Variants in TRAPPC9 observed in about 807,000 individuals in gnomAD.
The protein encoded by TRAPPC9 is trafficking protein particle complex subunit 9, also known as IKK2 binding protein.
Under a neutral mutation model 124.0 loss-of-function variants are expected in TRAPPC9, and 83 were observed. The observed-to-expected ratio is 0.67, with a 90% CI of 0.56 to 0.80. TRAPPC9 has a LOEUF of 0.80. Among genes scored for constraint, TRAPPC9 ranks in the 30% least tolerant of loss-of-function variants. The pLI is 0.00. For missense variants in TRAPPC9, 1,302 were observed against 1,508.3 expected (o/e 0.86, Z 2.27); for synonymous variants, 638 against 617.5 (o/e 1.03, Z -0.49).
chr8:140,253,530 T>G (rs1292846751), intron 15 of TRAPPC9, among the ~76,000 whole-genome samples: 1 of 151,922 alleles, frequency 6.6e-6, no homozygotes, highest in African/African-American at 2.4e-5. Flanking sequence ...AATACAAAAT[T>G]TAGCCAGTGT....
At chr8:140,199,960 T>A (rs2062751226) in intron 17 of TRAPPC9, among the ~76,000 whole-genome samples, 1 of 152,124 alleles carries the variant, frequency 6.6e-6, no homozygotes, top group South Asian at 2.1e-4. Flanking sequence ...AATAAAAATT[T>A]TTTTAAAAAA....
chr8:139,745,213 G>C (rs1216916945), intron 21 of TRAPPC9, among the ~76,000 whole-genome samples: 7 of 152,250 alleles, frequency 4.6e-5, no homozygotes, highest in Admixed American at 4.6e-4. Flanking sequence ...GGATCCTCGG[G>C]TCGAAGGCTT....
At chr8:140,344,551 C>T (rs1287984757) in intron 9 of TRAPPC9, among the ~76,000 whole-genome samples, 1 of 152,138 alleles carries the variant, frequency 6.6e-6, no homozygotes, top group East Asian at 1.9e-4. Flanking sequence ...ATGGTAGCGC[C>T]AGGCAGAGAA....
At chr8:139,813,260 T>C (rs1824568526) in intron 21 of TRAPPC9, among the ~76,000 whole-genome samples, 1 of 152,190 alleles carries the variant, frequency 6.6e-6, no homozygotes, top group Non-Finnish European at 1.5e-5. Flanking sequence ...CACCTCAGTT[T>C]CCTCCTCTTA....
intron 9 of TRAPPC9, among the ~76,000 whole-genome samples, chr8:140,333,124 T>TG (rs2066938200): frequency 1.4e-5 from 1 of 71,822 alleles, no homozygotes; most frequent in African/African-American, 6.9e-5. Context: ...AGACTTTGTC[T>TG]CAAAAAAAAA....
intron 17 of TRAPPC9, among the ~76,000 whole-genome samples, chr8:140,068,141 G>C (rs1001806129): frequency 1.3e-5 from 2 of 152,162 alleles, no homozygotes; most frequent in African/African-American, 4.8e-5. Context: ...CAAGGATTAT[G>C]ACGGATTCAC....
At chr8:140,343,886 A>T (rs2067262469) in intron 9 of TRAPPC9, among the ~76,000 whole-genome samples, 1 of 151,952 alleles carries the variant, frequency 6.6e-6, no homozygotes, top group African/African-American at 2.4e-5. Context: ...CCAAATCCAC[A>T]CCCAGCTGAG....
intron 10 of TRAPPC9, among the ~76,000 whole-genome samples, chr8:140,306,186 A>G (rs1004136460): frequency 6.6e-6 from 1 of 152,128 alleles, no homozygotes; most frequent in Non-Finnish European, 1.5e-5. Context: ...AAGAAAAAGA[A>G]AAGTGCTGGA....
intron 20 of TRAPPC9, among the ~76,000 whole-genome samples, chr8:139,900,697 A>C (rs1357850051): frequency 6.6e-6 from 1 of 152,214 alleles, no homozygotes; most frequent in Non-Finnish European, 1.5e-5. Flanking sequence ...GCAAATGCAC[A>C]AGGTAATAAA....
In TRAPPC9 at chr8:140,256,272, A is replaced by G. The variant is rs76008875; in HGVS notation, c.2279-3343T>C. Among the ~76,000 whole-genome samples the G allele has an allele frequency of 4.7e-3, 720 of 152,348 alleles. 9 individuals are homozygous for G. The highest frequency in any genetic ancestry group is 0.016 in the African/African-American group (672 of 41,566). On this transcript the variant is annotated intron_variant, in intron 15 of 22. Transcript: ENST00000438773. ...TTTAGACGGTAAGTCACTCAGTCAG[A>G]GAAAGAACAAAGATCTGTCTCCAAA...
At chr8:140,197,815 G>A (rs1222069957) in intron 17 of TRAPPC9, among the ~76,000 whole-genome samples, 1 of 152,194 alleles carries the variant, frequency 6.6e-6, no homozygotes, top group South Asian at 2.1e-4. Flanking sequence ...AAAGACAAGG[G>A]CAGGGAAGGT....
chr8:140,358,337 C>G (rs1161992134), intron 9 of TRAPPC9, among the ~76,000 whole-genome samples: 1 of 152,310 alleles, frequency 6.6e-6, no homozygotes, highest in East Asian at 1.9e-4. Context: ...TCCTTAGTAG[C>G]TGGGATTACA....
At chr8:139,882,695 G>T (rs894432604) in intron 21 of TRAPPC9, among the ~76,000 whole-genome samples, 1 of 152,154 alleles carries the variant, frequency 6.6e-6, no homozygotes, top group East Asian at 1.9e-4. Flanking sequence ...GGTCTCAGAG[G>T]AAACAATAGT....
chr8:140,142,942 T>C (rs2061404117), intron 17 of TRAPPC9, among the ~76,000 whole-genome samples: 1 of 152,194 alleles, frequency 6.6e-6, no homozygotes, highest in African/African-American at 2.4e-5. Flanking sequence ...TCACTCACTC[T>C]TCTACTCAGA....
At chr8:140,059,471 G>T (rs924530882) in intron 17 of TRAPPC9, among the ~76,000 whole-genome samples, 2 of 152,192 alleles carry the variant, frequency 1.3e-5, no homozygotes, top group Admixed American at 6.5e-5. Context: ...GTACCTAGAA[G>T]TGAGTTTGCT....
intron 18 of TRAPPC9, among the ~76,000 whole-genome samples, chr8:140,022,884 T>G (rs1393963889): frequency 6.6e-6 from 1 of 152,162 alleles, no homozygotes; most frequent in African/African-American, 2.4e-5. Context: ...CTCCAATGGC[T>G]GGGAAGAAAA....
chr8:139,960,075 G>C (rs1835280809), intron 19 of TRAPPC9, among the ~76,000 whole-genome samples: 2 of 152,234 alleles, frequency 1.3e-5, no homozygotes, highest in Non-Finnish European at 2.9e-5. Flanking sequence ...TCATTTTTCA[G>C]ATGTGGAAAT....
chr8:139,781,359 G>A (rs1446050375), intron 21 of TRAPPC9, among the ~76,000 whole-genome samples: 1 of 152,006 alleles, frequency 6.6e-6, no homozygotes, highest in Non-Finnish European at 1.5e-5. Context: ...AAATATGAAG[G>A]AAACATAAAT....
At chr8:140,132,282 G>A (rs575255734) in intron 17 of TRAPPC9, among the ~76,000 whole-genome samples, 5 of 152,296 alleles carry the variant, frequency 3.3e-5, no homozygotes, top group South Asian at 4.1e-4. Flanking sequence ...TGTAAGAAGT[G>A]TTTATACTCA....
Sources: allele counts gnomAD v4.1 joint callset (sites outside exome capture counted in the v4.1 genomes callset), GRCh38; gene constraint gnomAD v4.1.1; transcripts MANE v1.5; gene names NCBI Gene and HGNC (gene_info 2026-07-23, HGNC 2026-07-21).